The following SAMD12 variants were observed in gnomAD, a reference collection of about 807,000 sequenced individuals.
SAMD12 encodes the protein sterile alpha motif domain-containing protein 12.
A neutral mutation model predicts 15.0 loss-of-function variants in SAMD12; 9 were observed. That is an observed-to-expected ratio of 0.60 (90% CI 0.36 to 1.05). The LOEUF is 1.05. Among genes scored for constraint, SAMD12 ranks in the 50% least tolerant of loss-of-function variants. The probability of loss-of-function intolerance (pLI) is 0.01; values close to 1 mark genes in which losing one functional copy is unlikely to be tolerated. For missense variants in SAMD12, 230 were observed against 234.2 expected (o/e 0.98, Z 0.12); for synonymous variants, 86 against 90.1 (o/e 0.96, Z 0.25).
At chr8:118,336,995 A>C (rs988044309) in intron 4 of SAMD12, among the ~76,000 whole-genome samples, 4 of 152,134 alleles carry the variant, frequency 2.6e-5, no homozygotes, top group African/African-American at 9.7e-5. Context: ...GGAACATCAC[A>C]CACTGGGTCC....
At chr8:118,471,508 G>T (rs1420368038) in intron 2 of SAMD12, among the ~76,000 whole-genome samples, 1 of 152,144 alleles carries the variant, frequency 6.6e-6, no homozygotes, top group East Asian at 1.9e-4. Context: ...TGTCACCACT[G>T]AAAACATTAG....
chr8:118,359,525 G>A (rs1280225786), intron 4 of SAMD12, among the ~76,000 whole-genome samples: 2 of 152,210 alleles, frequency 1.3e-5, no homozygotes, highest in Non-Finnish European at 2.9e-5. Context: ...AAGCAATGAT[G>A]AGATACTATA....
intron 4 of SAMD12, among the ~76,000 whole-genome samples, chr8:118,364,308 G>A (rs1010780249): frequency 6.6e-6 from 1 of 152,144 alleles, no homozygotes; most frequent in Non-Finnish European, 1.5e-5. Flanking sequence ...CAGCAGTGCT[G>A]TCTCCTGAGA....
chr8:118,153,304 G>A, the SAMD12 span, among the ~76,000 whole-genome samples: 1 of 83,092 alleles, frequency 1.2e-5, no homozygotes, highest in Admixed American at 1.4e-4. Flanking sequence ...ATAGGGATGA[G>A]TGAAGAGCCA....
At chr8:118,283,425 T>C (rs567185212) in intron 4 of SAMD12, among the ~76,000 whole-genome samples, 118 of 152,038 alleles carry the variant, frequency 7.8e-4, no homozygotes, top group Non-Finnish European at 1.5e-3. Flanking sequence ...TAGAAGGGAG[T>C]ACGTAGCCTT....
chr8:118,513,091 A>G, intron 2 of SAMD12, among the ~76,000 whole-genome samples: 1 of 151,412 alleles, frequency 6.6e-6, no homozygotes. Context: ...GATCATCTTT[A>G]TTTTTCTCAC....
At chr8:118,490,312 A>G (rs1586759058) in intron 2 of SAMD12, among the ~76,000 whole-genome samples, 1 of 152,124 alleles carries the variant, frequency 6.6e-6, no homozygotes, top group Admixed American at 6.6e-5. Context: ...CATGTCTATC[A>G]TTTTCCTATA....
intron 4 of SAMD12, among the ~76,000 whole-genome samples, chr8:118,272,518 C>A (rs1813386974): frequency 6.6e-6 from 1 of 152,210 alleles, no homozygotes; most frequent in Non-Finnish European, 1.5e-5. Flanking sequence ...ATGCAAATTT[C>A]TGCAGCTGGC....
intron 4 of SAMD12, among the ~76,000 whole-genome samples, chr8:118,216,516 G>A (rs923457280): frequency 2.6e-5 from 4 of 152,150 alleles, no homozygotes; most frequent in African/African-American, 9.7e-5. Flanking sequence ...TTTTGGTGCA[G>A]TCATTGAGTG....
intron 4 of SAMD12, among the ~76,000 whole-genome samples, chr8:118,202,258 C>T (rs550539151): frequency 1.3e-5 from 2 of 152,264 alleles, no homozygotes; most frequent in South Asian, 4.1e-4. Context: ...AGCTCTAACG[C>T]TAAGTATCAG....
chr8:118,483,182 C>A (rs1367176865), intron 2 of SAMD12, among the ~76,000 whole-genome samples: 1 of 152,162 alleles, frequency 6.6e-6, no homozygotes, highest in Non-Finnish European at 1.5e-5. Context: ...ATAATAGTGT[C>A]AGAAAACATA....
chr8:118,438,981 T>C (rs1261370416), intron 3 of SAMD12, among the ~76,000 whole-genome samples: 1 of 152,120 alleles, frequency 6.6e-6, no homozygotes, highest in East Asian at 1.9e-4. Context: ...GTTGCCCACA[T>C]ACAAGCAGGA....
rs1819529491 is a variant in SAMD12 at position 118,379,051 on chromosome 8, A to C, written c.*366T>G. The C allele has an allele frequency of 5.8e-6, 6 of 1,037,948 alleles. No homozygotes were observed. The African/African-American group carries it at 6.7e-5, about 12-fold the overall frequency. The allele number at this position is 1,037,948 out of a possible 1,614,324, so 64.3% of individuals were successfully genotyped here. ...TTCATGTATAGTAATACATATCTAA[A>C]ATGTTTTTCTCCCACTAACCGGTGA... On this transcript the variant is annotated 3_prime_UTR_variant, in exon 4 of 4. Transcript: ENST00000314727.
At chr8:118,384,628 C>G (rs912988252) in intron 3 of SAMD12, among the ~76,000 whole-genome samples, 14 of 152,206 alleles carry the variant, frequency 9.2e-5, no homozygotes, top group African/African-American at 2.9e-4. Flanking sequence ...GAAATTGAGT[C>G]ACTGCTTGAG....
At chr8:118,468,195 C>G (rs898911060) in intron 2 of SAMD12, among the ~76,000 whole-genome samples, 2 of 152,116 alleles carry the variant, frequency 1.3e-5, no homozygotes, top group Non-Finnish European at 2.9e-5. Context: ...ACAATATGAA[C>G]AACATAAATG....
the SAMD12 span, among the ~76,000 whole-genome samples, chr8:118,175,049 A>C: frequency 4.2e-5 from 6 of 143,802 alleles, no homozygotes; most frequent in African/African-American, 1.7e-4. Context: ...AAAAAAAAAC[A>C]AAAAAAACAA....
chr8:118,135,881 C>A, the SAMD12 span, among the ~76,000 whole-genome samples: 1 of 151,984 alleles, frequency 6.6e-6, no homozygotes, highest in East Asian at 2.0e-4. Flanking sequence ...TTTTCTACTC[C>A]TTGGGTTCCT....
rs777094764 is a variant in SAMD12 at position 118,359,349 on chromosome 8, C to T, written c.433+20211G>A. Reference sequence around the variant, plus strand: ...CGCCGTGACCTTGGACTTCTAGCCTCCAGGACAGCAAGCAAATCAATTTCT... The same window carrying T: ...CGCCGTGACCTTGGACTTCTAGCCTTCAGGACAGCAAGCAAATCAATTTCT... On this transcript the variant is annotated intron_variant, in intron 4 of 4. Transcript: ENST00000409003. 3.3e-5 allele frequency among the ~76,000 whole-genome samples: 5 copies of T among 152,188 alleles called. No individual in the cohort carries two copies. In the East Asian group the frequency reaches 9.7e-4, roughly 29 times the overall value.
the SAMD12 span, among the ~76,000 whole-genome samples, chr8:118,166,425 G>A: frequency 2.6e-5 from 4 of 151,996 alleles, no homozygotes; most frequent in East Asian, 1.9e-4. Flanking sequence ...TTGTGGCTCT[G>A]TAAAAAAAGC....
Sources: gnomAD v4.1 joint callset for allele counts (sites outside exome capture counted in the v4.1 genomes callset) on GRCh38, gnomAD v4.1.1 for gene constraint, MANE v1.5 for transcripts, NCBI Gene and HGNC (gene_info 2026-07-23, HGNC 2026-07-21) for gene names.